TPRA1: variants seen among roughly 807,000 people sequenced by gnomAD.
TPRA1 encodes transmembrane protein adipocyte associated 1.
Under a neutral mutation model 40.1 loss-of-function variants are expected in TPRA1, and 28 were observed. The observed-to-expected ratio is 0.70, with a 90% confidence interval of 0.52 to 0.96. The LOEUF is 0.96. Ranked by LOEUF, TPRA1 falls within the 40% of genes least tolerant of loss-of-function variation. The pLI is 0.00. For synonymous variants in TPRA1, 219 were observed against 209.7 expected (o/e 1.04, Z -0.38); for missense variants, 441 against 482.6 (o/e 0.91, Z 0.81).
At chr3:127,581,396 G>A (rs1317771968) in intron 1 of TPRA1, among the ~76,000 whole-genome samples, 1 of 152,240 alleles carries the variant, frequency 6.6e-6, no homozygotes, top group Non-Finnish European at 1.5e-5. Context: ...AAGTGATATA[G>A]CGTGAAGCCA....
upstream of TPRA1, among the ~76,000 whole-genome samples, chr3:127,592,984 CT>C (rs2074204202): frequency 6.6e-6 from 1 of 152,222 alleles, no homozygotes; most frequent in Non-Finnish European, 1.5e-5. Context: ...TCATCTTAAG[CT>C]TTCAGGCCCC....
At chr3:127,587,095 C>T (rs1223213084) in intron 1 of TPRA1, 6 of 152,230 alleles carry the variant, frequency 3.9e-5, no homozygotes, top group Non-Finnish European at 5.9e-5. Flanking sequence ...TGTTCCATCA[C>T]CCTGGCCAAT....
At chr3:127,582,138 C>T (rs2073852778) in intron 1 of TPRA1, among the ~76,000 whole-genome samples, 1 of 152,066 alleles carries the variant, frequency 6.6e-6, no homozygotes, top group African/African-American at 2.4e-5. Flanking sequence ...ATTTCCATTG[C>T]TGGTCCAAGC....
chr3:127,581,235 A>G (rs2073820590), intron 1 of TPRA1, among the ~76,000 whole-genome samples: 1 of 152,228 alleles, frequency 6.6e-6, no homozygotes, highest in Non-Finnish European at 1.5e-5. Flanking sequence ...ACTCTGCTTC[A>G]CCAGGAATGC....
rs779993117 is a variant in TPRA1 at position 127,576,103 on chromosome 3, T to G, written c.499-53A>C. ...GGGAGAGGATCTCAAGGCTTCTCTCTCCCAGGGGCTTTCCCTGATGCAAAG... is the reference window on the plus strand; with the variant it reads ...GGGAGAGGATCTCAAGGCTTCTCTCGCCCAGGGGCTTTCCCTGATGCAAAG... On this transcript the variant is annotated intron_variant, in intron 6 of 10. Coordinates refer to ENST00000355552, the MANE Select transcript of TPRA1 (RefSeq NM_001136053.4). This position sits in a 1 kb window ranked among gnomAD's most constrained non-coding sequence, Gnocchi z 4.6. The G allele has an allele frequency of 1.4e-6, 2 of 1,427,934 alleles. No homozygotes were observed. The highest frequency in any genetic ancestry group is 2.0e-6 in the Non-Finnish European group (2 of 1,020,078). The allele number at this position is 1,427,934 out of a possible 1,614,324, so 88.5% of individuals were successfully genotyped here. A position where few individuals can be genotyped will look rare whatever the true frequency, so the allele number is the denominator to read the frequency against.
rs546248996 is a variant in TPRA1, at chr3:127,582,168, T to G, written c.-17-2005A>C. ...CCAAGCCCTTAAACACCAGAACACC[T>G]CTGGATGAAAGGGAGGGAAGACTCT... On this transcript the variant is annotated intron_variant, in intron 1 of 10. Coordinates refer to ENST00000355552, the MANE Select transcript of TPRA1 (RefSeq NM_001136053.4). Among the ~76,000 whole-genome samples, 11 of 151,742 alleles carry G rather than the reference T, an allele frequency of 7.2e-5. No homozygotes were observed. In the East Asian group the frequency reaches 1.9e-3, roughly 27 times the overall value.
chr3:127,579,958 C>A (rs980483625), intron 2 of TPRA1, 64 bp downstream of exon 2: 7 of 1,608,368 alleles, frequency 4.4e-6, no homozygotes, highest in African/African-American at 2.7e-5. Flanking sequence ...ACCCTCACCA[C>A]CCCCCTACAC....
Position 127,576,528 on chromosome 3 carries a change from T to C in TPRA1, c.498+89A>G. Reference sequence around the variant, plus strand: ...AAAGTTTTGAGAACTCTGAAGGTGATAAAGACTGGAAACCTGACCCAGACC... The same window carrying C: ...AAAGTTTTGAGAACTCTGAAGGTGACAAAGACTGGAAACCTGACCCAGACC... On this transcript the variant is annotated intron_variant, in intron 6 of 10. Transcript: ENST00000355552. The surrounding 1 kb of genome is among the most constrained non-coding windows in gnomAD (Gnocchi z 4.6). 7.7e-7 allele frequency: 1 copy of C among 1,292,588 alleles called. No homozygotes were observed. Among genetic ancestry groups the C allele is most frequent in the Non-Finnish European group, 1.1e-6 (1 of 942,360 alleles). The allele number at this position is 1,292,588 out of a possible 1,614,324, so 80.1% of individuals were successfully genotyped here. A position where few individuals can be genotyped will look rare whatever the true frequency, so the allele number is the denominator to read the frequency against.
intron 1 of TPRA1, among the ~76,000 whole-genome samples, chr3:127,583,773 C>T (rs567509371): frequency 1.3e-5 from 2 of 151,932 alleles, no homozygotes; most frequent in South Asian, 2.1e-4. Flanking sequence ...CAGGTTCAAG[C>T]GATTCCCCTG....
chr3:127,592,795 G>C (rs750188689), upstream of TPRA1, among the ~76,000 whole-genome samples: 6 of 152,256 alleles, frequency 3.9e-5, no homozygotes, highest in Non-Finnish European at 4.4e-5. Flanking sequence ...TAAACAGGAA[G>C]TGTCCTAGTC....
intron 1 of TPRA1, among the ~76,000 whole-genome samples, chr3:127,596,527 G>A (rs2074243155): frequency 6.6e-6 from 1 of 152,168 alleles, no homozygotes; most frequent in African/African-American, 2.4e-5. Flanking sequence ...CCAGGTCCCA[G>A]GCTTAGACCT....
chr3:127,589,394 G>C (rs963202494), intron 1 of TPRA1, among the ~76,000 whole-genome samples: 1 of 151,726 alleles, frequency 6.6e-6, no homozygotes, highest in Non-Finnish European at 1.5e-5. Flanking sequence ...GGGTTGTTGA[G>C]CTTACAAACC....
chr3:127,593,135 TC>T (rs1402720181), upstream of TPRA1, among the ~76,000 whole-genome samples: 9 of 152,374 alleles, frequency 5.9e-5, no homozygotes, highest in Non-Finnish European at 1.3e-4. Context: ...ACCAAAGGTA[TC>T]TGCCTTTGAG....
chr3:127,577,218 A>C, intron 3 of TPRA1, 142 bp from the exon 4 acceptor site: 1 of 787,268 alleles, frequency 1.3e-6, no homozygotes, highest in Admixed American at 2.2e-5. Context: ...GGTGGGACAC[A>C]GGGAGGTGGG....
intron 1 of TPRA1, among the ~76,000 whole-genome samples, chr3:127,582,487 G>A (rs1282879491): frequency 2.6e-5 from 4 of 152,050 alleles, no homozygotes; most frequent in Admixed American, 6.5e-5. Context: ...AATCACTTGC[G>A]GTCAGGAGTT....
intron 1 of TPRA1, among the ~76,000 whole-genome samples, chr3:127,583,393 A>AAGGCTGAGGTGGGAGTATGGCT (rs1403178856): frequency 6.6e-6 from 1 of 151,824 alleles, no homozygotes; most frequent in Non-Finnish European, 1.5e-5. Flanking sequence ...AGCTAATAGG[A>AAGGCTGAGGTGGGAGTATGGCT]AGGCTGAGGT....
chr3:127,589,739 T>C (rs2074111151), intron 1 of TPRA1, among the ~76,000 whole-genome samples: 1 of 151,848 alleles, frequency 6.6e-6, no homozygotes, highest in East Asian at 1.9e-4. Context: ...CCGAGCCGCG[T>C]CTGGGTATTT....
At chr3:127,589,970 G>A (rs940956907) in intron 1 of TPRA1, among the ~76,000 whole-genome samples, 5 of 152,228 alleles carry the variant, frequency 3.3e-5, no homozygotes, top group Non-Finnish European at 5.9e-5. Flanking sequence ...CGGAGGCTTC[G>A]ACATGGCCCC....
chr3:127,593,654 A>G (rs1354684049), upstream of TPRA1, among the ~76,000 whole-genome samples: 1 of 152,150 alleles, frequency 6.6e-6, no homozygotes, highest in Non-Finnish European at 1.5e-5. Context: ...TGAAGACCAA[A>G]GACGTGTGGA....
Sources: gnomAD v4.1 joint callset for allele counts (sites outside exome capture counted in the v4.1 genomes callset) on GRCh38, gnomAD v4.1.1 for gene constraint, Gnocchi (gnomAD v3.1) non-coding constraint, MANE v1.5 for transcripts, NCBI Gene and HGNC (gene_info 2026-07-23, HGNC 2026-07-21) for gene names.